Variants in ZNF385D observed in about 807,000 individuals in gnomAD.
ZNF385D encodes the protein zinc finger protein 659.
A neutral mutation model predicts 35.8 loss-of-function variants in ZNF385D; 15 were observed. That is an observed-to-expected ratio of 0.42 (90% CI 0.28 to 0.64). The LOEUF (loss-of-function observed/expected upper bound fraction) is 0.64, where lower values mean the gene tolerates loss of function less well. Among genes scored for constraint, ZNF385D ranks in the 30% least tolerant of loss-of-function variants. The probability of loss-of-function intolerance (pLI) is 0.23; values close to 1 mark genes in which losing one functional copy is unlikely to be tolerated. For synonymous variants in ZNF385D, 212 were observed against 186.8 expected, an observed-to-expected ratio of 1.13 and a Z score of -1.10; for missense variants, 474 against 494.6, an observed-to-expected ratio of 0.96 and a Z score of 0.39.
intron 3 of ZNF385D, among the ~76,000 whole-genome samples, chr3:22,057,158 A>G (rs1576236246): frequency 6.6e-6 from 1 of 152,182 alleles, no homozygotes; most frequent in African/African-American, 2.4e-5. Context: ...AAACCCATAC[A>G]CCTGATTTAA....
intron 3 of ZNF385D, among the ~76,000 whole-genome samples, chr3:21,908,443 C>T (rs1290811018): frequency 6.6e-6 from 1 of 151,994 alleles, no homozygotes; most frequent in Non-Finnish European, 1.5e-5. Flanking sequence ...TGCATGTCAA[C>T]ATTTGAGGAT....
At chr3:21,544,758 AAAAT>A (rs1159177847) in intron 3 of ZNF385D, among the ~76,000 whole-genome samples, 31 of 152,338 alleles carry the variant, frequency 2.0e-4, no homozygotes, top group South Asian at 4.1e-4. Flanking sequence ...TCATTTTGGC[AAAAT>A]AAATAACTTT....
intron 2 of ZNF385D, among the ~76,000 whole-genome samples, chr3:22,299,756 C>G (rs967075971): frequency 3.3e-5 from 5 of 151,392 alleles, no homozygotes; most frequent in African/African-American, 1.2e-4. Context: ...TAAATTTAAC[C>G]AAAGCAGTAA....
At chr3:21,772,282 A>C (rs1037529859) in intron 3 of ZNF385D, among the ~76,000 whole-genome samples, 2 of 151,964 alleles carry the variant, frequency 1.3e-5, no homozygotes, top group African/African-American at 4.8e-5. Context: ...TCAGCAGAGT[A>C]GAAAGGCAAT....
At chr3:22,017,964 A>G (rs1264271306) in intron 3 of ZNF385D, among the ~76,000 whole-genome samples, 1 of 151,960 alleles carries the variant, frequency 6.6e-6, no homozygotes, top group Non-Finnish European at 1.5e-5. Context: ...CTATGTATAG[A>G]AAAGTTAATC....
intron 2 of ZNF385D, among the ~76,000 whole-genome samples, chr3:22,316,954 A>T (rs1703920979): frequency 6.6e-6 from 1 of 152,034 alleles, no homozygotes; most frequent in African/African-American, 2.4e-5. Context: ...GAACTTCCTT[A>T]GCTGACCAAG....
chr3:21,748,125 T>C (rs2069869929), intron 1 of ZNF385D, among the ~76,000 whole-genome samples: 1 of 152,112 alleles, frequency 6.6e-6, no homozygotes, highest in Non-Finnish European at 1.5e-5. Context: ...GCACAGGAAG[T>C]ACAAATGAAC....
chr3:21,863,140 CAT>C (rs1697151231), intron 3 of ZNF385D, among the ~76,000 whole-genome samples: 1 of 152,092 alleles, frequency 6.6e-6, no homozygotes, highest in African/African-American at 2.4e-5. Flanking sequence ...GTTGGTAAAA[CAT>C]ATTAGAGTTC....
chr3:21,691,249 C>G (rs1372146584), intron 1 of ZNF385D, among the ~76,000 whole-genome samples: 4 of 152,188 alleles, frequency 2.6e-5, no homozygotes, highest in Non-Finnish European at 5.9e-5. Flanking sequence ...GAGAAAATGA[C>G]ATAGCCACGC....
At chr3:21,836,586 C>A (rs1280149425) in intron 3 of ZNF385D, among the ~76,000 whole-genome samples, 3 of 152,018 alleles carry the variant, frequency 2.0e-5, no homozygotes, top group African/African-American at 7.2e-5. Context: ...AGATAGTAAG[C>A]ACGTTAGACT....
intron 1 of ZNF385D, among the ~76,000 whole-genome samples, chr3:21,673,763 C>A (rs2066644048): frequency 6.6e-6 from 1 of 151,992 alleles, no homozygotes; most frequent in African/African-American, 2.4e-5. Flanking sequence ...ATTTTTGAAC[C>A]AAGCACGCAT....
At chr3:21,771,890 A>C (rs1013716216) in intron 3 of ZNF385D, among the ~76,000 whole-genome samples, 8 of 151,986 alleles carry the variant, frequency 5.3e-5, no homozygotes, top group African/African-American at 1.7e-4. Flanking sequence ...CATATAAACC[A>C]ATGGAATAGA....
chr3:21,583,860 A>G (rs548710029), intron 2 of ZNF385D, among the ~76,000 whole-genome samples: 11 of 150,972 alleles, frequency 7.3e-5, no homozygotes, highest in African/African-American at 1.9e-4. Context: ...CAGGATCTCA[A>G]ATTCCCTGAA....
intron 3 of ZNF385D, among the ~76,000 whole-genome samples, chr3:21,865,283 G>C (rs1049379470): frequency 6.6e-6 from 1 of 151,674 alleles, no homozygotes; most frequent in African/African-American, 2.4e-5. Context: ...ATACACAGTG[G>C]AATCTCAAAA....
Position 21,851,668 on chromosome 3 carries a change from C to T in ZNF385D, c.326-186640G>A, listed in dbSNP as rs561846633. The stretch of plus-strand genomic sequence containing the variant: ...GATTAATAATAGCTGATTAAAAGAA[C>T]ATAAAATGATAAATTTTATGAAATA... On this transcript the variant is annotated intron_variant, in intron 3 of 5. Transcript: ENST00000494108. Among the ~76,000 whole-genome samples the T allele has an allele frequency of 3.3e-4, 50 of 152,070 alleles. 1 individual carries two copies. Among genetic ancestry groups the T allele is most frequent in the African/African-American group, 9.1e-4 (38 of 41,540 alleles).
intron 4 of ZNF385D, among the ~76,000 whole-genome samples, chr3:21,475,087 A>G (rs1373558723): frequency 6.6e-6 from 1 of 152,072 alleles, no homozygotes; most frequent in African/African-American, 2.4e-5. Flanking sequence ...AAAATTTCAC[A>G]AGAAATTTAG....
At chr3:21,894,389 A>G (rs1699029184) in intron 3 of ZNF385D, among the ~76,000 whole-genome samples, 1 of 152,216 alleles carries the variant, frequency 6.6e-6, no homozygotes, top group African/African-American at 2.4e-5. Flanking sequence ...AATGCAAAGA[A>G]AAATTTTTGA....
chr3:21,902,166 T>C (rs1316060704), intron 3 of ZNF385D, among the ~76,000 whole-genome samples: 1 of 152,198 alleles, frequency 6.6e-6, no homozygotes, highest in African/African-American at 2.4e-5. Flanking sequence ...TAAAACTTTA[T>C]TTCAAATTAA....
intron 2 of ZNF385D, among the ~76,000 whole-genome samples, chr3:21,589,637 A>C (rs1029978851): frequency 6.6e-6 from 1 of 152,178 alleles, no homozygotes; most frequent in Non-Finnish European, 1.5e-5. Context: ...AAGGATTAAT[A>C]TCCTTCAAAT....
Sources: gnomAD v4.1 joint callset for allele counts (sites outside exome capture counted in the v4.1 genomes callset) on GRCh38, gnomAD v4.1.1 for gene constraint, MANE v1.5 for transcripts, NCBI Gene and HGNC (gene_info 2026-07-23, HGNC 2026-07-21) for gene names.